NEBL: variants seen among roughly 807,000 people sequenced by gnomAD.
NEBL encodes LIM and SH3 protein 2.
Under a neutral mutation model 140.2 loss-of-function variants are expected in NEBL, and 122 were observed. The observed-to-expected ratio is 0.87, with a 90% CI of 0.75 to 1.01. The LOEUF (loss-of-function observed/expected upper bound fraction) is 1.01. Among genes scored for constraint, NEBL ranks in the 50% least tolerant of loss-of-function variants. NEBL has a pLI of 0.00. For synonymous variants in NEBL, 436 were observed against 398.9 expected (o/e 1.09, Z -1.11); for missense variants, 1,365 against 1,231.3 (o/e 1.11, Z -1.62).
chr10:21,065,624 C>T (rs899411929), intron 2 of NEBL, among the ~76,000 whole-genome samples: 2 of 152,226 alleles, frequency 1.3e-5, no homozygotes, highest in Non-Finnish European at 2.9e-5. Flanking sequence ...AAACCTGTCA[C>T]ATCCACCTCT....
chr10:20,796,367 G>GA (rs57844177), intron 26 of NEBL, among the ~76,000 whole-genome samples: 11,863 of 51,578 alleles, frequency 0.23, 2,069 homozygotes, highest in Non-Finnish European at 0.32. Context: ...TCTAAAACAA[G>GA]AAAAAAAAAA....
intron 4 of NEBL, among the ~76,000 whole-genome samples, chr10:20,884,285 C>T (rs1227498428): frequency 6.6e-6 from 1 of 151,952 alleles, no homozygotes; most frequent in Non-Finnish European, 1.5e-5. Flanking sequence ...CTATGTTGCC[C>T]AGGCTGGTCT....
chr10:21,284,430 T>C (rs1219455341), intron 1 of NEBL, among the ~76,000 whole-genome samples: 1 of 146,890 alleles, frequency 6.8e-6, no homozygotes, highest in South Asian at 2.3e-4. Context: ...CCAGAATTAC[T>C]CCTCCATTGA....
At chr10:20,820,328 A>C (rs1012113086) in intron 19 of NEBL, among the ~76,000 whole-genome samples, 1 of 152,324 alleles carries the variant, frequency 6.6e-6, no homozygotes, top group African/African-American at 2.4e-5. Context: ...CAATTCCACA[A>C]CACCTCCCAA....
At chr10:21,123,351 CT>C (rs1838665810) in intron 2 of NEBL, among the ~76,000 whole-genome samples, 1 of 152,152 alleles carries the variant, frequency 6.6e-6, no homozygotes, top group Non-Finnish European at 1.5e-5. Context: ...ATAGACTAAA[CT>C]ACTTAAGCTA....
At chr10:20,890,030 T>C in intron 2 of NEBL, 81 bp from the exon 3 acceptor site, 1 of 918,356 alleles carries the variant, frequency 1.1e-6, no homozygotes, top group Non-Finnish European at 1.7e-6. Flanking sequence ...ATTAGGTTGA[T>C]AAAGTCCATT....
chr10:21,147,491 G>T (rs1278292076), intron 2 of NEBL, among the ~76,000 whole-genome samples: 1 of 149,618 alleles, frequency 6.7e-6, no homozygotes, highest in Non-Finnish European at 1.5e-5. Flanking sequence ...TCAACCCACT[G>T]CAGGCTAACT....
In NEBL at chr10:20,951,475, T is replaced by TA. The variant is rs10715595; in HGVS notation, c.357+10196dup. On this transcript the variant is annotated intron_variant, in intron 4 of 6. Coordinates refer to the NEBL transcript ENST00000417816. The stretch of plus-strand genomic sequence containing the variant: ...AAATTAGAGAGCATAGTTGCATACT[T>TA]AAAAAAAAAAAGACATTCTTGTTTC... Among the ~76,000 whole-genome samples, 195 of 147,638 alleles carry TA rather than the reference T, an allele frequency of 1.3e-3. 1 individual carries two copies. Among genetic ancestry groups the TA allele is most frequent in the Middle Eastern group, 7.0e-3 (2 of 284 alleles).
In NEBL at chr10:20,805,352, T is replaced by C. The variant is rs77778702; in HGVS notation, c.2761+3158A>G. Among the ~76,000 whole-genome samples, 986 of 152,352 alleles carry C rather than the reference T, an allele frequency of 6.5e-3. 16 individuals carry two copies. The East Asian group carries it at 0.066, about 10-fold the overall frequency. On this transcript the variant is annotated intron_variant, in intron 26 of 27. Transcript: ENST00000377122. ...CTTAAATTAAATTAGCATATTCCAA[T>C]GTATCCTAAAATCTTTTCAAATTCA...
At chr10:21,157,920 C>G (rs1341575015) in intron 2 of NEBL, among the ~76,000 whole-genome samples, 1 of 152,114 alleles carries the variant, frequency 6.6e-6, no homozygotes, top group Non-Finnish European at 1.5e-5. Context: ...GATGTGAAGA[C>G]ACAGGGAGAA....
At chr10:21,292,725 T>C (rs746804853) in intron 1 of NEBL, among the ~76,000 whole-genome samples, 2 of 152,214 alleles carry the variant, frequency 1.3e-5, no homozygotes, top group Non-Finnish European at 2.9e-5. Context: ...TGAAGGTATC[T>C]ATCTTGTGAA....
chr10:20,783,719 G>A lies in NEBL; in HGVS notation c.*2028C>T, dbSNP rs1564319417. ...TATATACTTAGTAAAATAAAATTGA[G>A]CAGGTATTTTATCCTCAGTTTTAAC... On this transcript the variant is annotated 3_prime_UTR_variant, in exon 28 of 28. Coordinates refer to ENST00000377122, the MANE Select transcript of NEBL (RefSeq NM_006393.3). 1 of 152,532 alleles carries A rather than the reference G, an allele frequency of 6.6e-6. No homozygotes were observed. 9.4% of individuals were successfully genotyped at this position (152,532 alleles called of 1,614,324 possible).
intron 4 of NEBL, among the ~76,000 whole-genome samples, chr10:20,910,997 G>A (rs941462237): frequency 2.0e-5 from 3 of 151,832 alleles, no homozygotes; most frequent in African/African-American, 7.3e-5. Context: ...GCAAGACCCT[G>A]TCTCTAAAAT....
chr10:20,825,484 C>G (rs577455543), intron 18 of NEBL, among the ~76,000 whole-genome samples: 1 of 151,778 alleles, frequency 6.6e-6, no homozygotes, highest in Non-Finnish European at 1.5e-5. Context: ...TGGTGAAACC[C>G]CATCTCTACT....
rs372763596 is a variant in NEBL, at chr10:20,812,807, T to C, written c.2480A>G (p.His827Arg). 3.7e-6 allele frequency: 6 copies of C among 1,614,002 alleles called. No individual in the cohort carries two copies. Among genetic ancestry groups the C allele is most frequent in the Admixed American group, 3.3e-5 (2 of 60,000 alleles). Residue 827 changes from histidine to arginine, a missense_variant, in exon 24 of 28, where the codon CAC becomes CGC. Around this residue, in one of 2 missense-constraint regions of NEBL, gnomAD observed 1,323 missense variants for 1,154.8 expected, o/e 1.15. Coordinates refer to ENST00000377122, the MANE Select transcript of NEBL (RefSeq NM_006393.3). ...SDAAYKGVHPHIVEMDRRPGI... is the reference protein window; with the variant it reads ...SDAAYKGVHPRIVEMDRRPGI... ...AGGTCTCCTGTCCATCTCCACGATG[T>C]GAGGGTGGACCCCTTTATAGGCAGC...
chr10:20,828,662 C>T, intron 16 of NEBL, 28 bp from the exon 17 acceptor site: 1 of 1,424,076 alleles, frequency 7.0e-7, no homozygotes, highest in Non-Finnish European at 9.9e-7. Context: ...TAATATAAAT[C>T]TGAAACTATG....
In NEBL at chr10:20,896,974, G is replaced by C. The variant is rs758542974; in HGVS notation, c.137C>G (p.Thr46Arg). 2 of 1,613,620 alleles carry C rather than the reference G, an allele frequency of 1.2e-6. No individual in the cohort carries two copies. The highest frequency in any genetic ancestry group is 3.3e-5 in the Admixed American group (2 of 59,974). The change falls in exon 2 of 28, where the codon ACG becomes AGG. Residue 46 changes from threonine to arginine, a missense_variant. Physicochemically the swap from Thr to Arg is moderately conservative, Grantham distance 71. Transcript: ENST00000377122. ...GCCACTTACATCGCTAATGAGTTCC[G>C]TGCATTTTCTGGCCAATTCCATGCT... is the stretch of plus-strand genomic sequence containing the variant. The part of the protein sequence containing the change: ...DLSMELARKC[T>R]ELISDIRYKE...
At chr10:21,285,804 G>A (rs1185957636) in intron 1 of NEBL, among the ~76,000 whole-genome samples, 1 of 152,184 alleles carries the variant, frequency 6.6e-6, no homozygotes, top group South Asian at 2.1e-4. Flanking sequence ...AAGCAAAGGA[G>A]TCACTCCTGT....
In NEBL at chr10:20,808,592, G is replaced by A. The variant is rs1437022892; in HGVS notation, c.2679C>T (p.Leu893=). 1.2e-6 allele frequency: 2 copies of A among 1,613,548 alleles called. No homozygotes were observed. The highest frequency in any genetic ancestry group is 2.2e-5 in the East Asian group (1 of 44,874). The part of the protein sequence containing the change: ...SHSSSTFGTG[L]GDDRSEISEI... ...CGGAGATTTCTGACCTGTCGTCTCC[G>A]AGACCTGTACCGAAAGTACTGCTGG... Residue 893 remains leucine (L), a synonymous_variant, in exon 26 of 28, where the codon CTC becomes CTT. Coordinates refer to ENST00000377122, the MANE Select transcript of NEBL (RefSeq NM_006393.3).
Sources: gnomAD v4.1 joint callset for allele counts (sites outside exome capture counted in the v4.1 genomes callset) on GRCh38, gnomAD v4.1.1 for gene constraint, gnomAD v4.1.1 regional missense constraint, MANE v1.5 for transcripts, NCBI Gene and HGNC (gene_info 2026-07-23, HGNC 2026-07-21) for gene names.